PMFBP1: variants seen among roughly 807,000 people sequenced by gnomAD.
The protein encoded by PMFBP1 is polyamine-modulated factor 1-binding protein 1.
A neutral mutation model predicts 137.8 loss-of-function variants in PMFBP1; 131 were observed. The ratio of observed to expected loss-of-function variants is 0.95; its 90% CI spans 0.82 to 1.10. The LOEUF is 1.10. Ranked by LOEUF, PMFBP1 falls within the 50% of genes least tolerant of loss-of-function variation. The pLI is 0.00. For missense variants in PMFBP1, 1,199 were observed against 1,175.4 expected (o/e 1.02, Z -0.29); for synonymous variants, 490 against 450.4 (o/e 1.09, Z -1.11).
chr16:72,226,556 G>A, the PMFBP1 span, among the ~76,000 whole-genome samples: 1 of 152,036 alleles, frequency 6.6e-6, no homozygotes, highest in Admixed American at 6.6e-5. Flanking sequence ...ATTGCCAAAA[G>A]CTTCCATTTG....
chr16:72,215,912 T>C, the PMFBP1 span, among the ~76,000 whole-genome samples: 1 of 152,174 alleles, frequency 6.6e-6, no homozygotes, highest in Admixed American at 6.5e-5. Flanking sequence ...ATATACTAAC[T>C]ACCTTTACCC....
At chr16:72,244,503 G>A in the PMFBP1 span, among the ~76,000 whole-genome samples, 1 of 152,116 alleles carries the variant, frequency 6.6e-6, no homozygotes, top group African/African-American at 2.4e-5. Context: ...GCTTTCTCAG[G>A]TTCTACTGGG....
the PMFBP1 span, among the ~76,000 whole-genome samples, chr16:72,184,717 T>A: frequency 3.3e-5 from 5 of 152,374 alleles, no homozygotes; most frequent in African/African-American, 1.2e-4. Context: ...AACTGCCGTC[T>A]ACTTCATTTG....
the PMFBP1 span, among the ~76,000 whole-genome samples, chr16:72,193,485 A>G: frequency 6.6e-6 from 1 of 152,186 alleles, no homozygotes; most frequent in Non-Finnish European, 1.5e-5. Flanking sequence ...TTAGGTGATT[A>G]TCATTATTGC....
chr16:72,183,406 C>A, the PMFBP1 span, among the ~76,000 whole-genome samples: 1 of 152,160 alleles, frequency 6.6e-6, no homozygotes. Flanking sequence ...CCATGTCTCT[C>A]TGCTAGCTTC....
the PMFBP1 span, among the ~76,000 whole-genome samples, chr16:72,186,009 C>A: frequency 6.6e-6 from 1 of 152,172 alleles, no homozygotes; most frequent in African/African-American, 2.4e-5. Context: ...GGGGCTGATA[C>A]AATCAGTCTG....
the PMFBP1 span, among the ~76,000 whole-genome samples, chr16:72,212,988 A>G: frequency 6.6e-6 from 1 of 152,246 alleles, no homozygotes; most frequent in African/African-American, 2.4e-5. Flanking sequence ...GAATATCAAT[A>G]TAACGACATT....
chr16:72,127,382 C>T (rs2042478109), intron 14 of PMFBP1, among the ~76,000 whole-genome samples: 1 of 152,096 alleles, frequency 6.6e-6, no homozygotes, highest in Non-Finnish European at 1.5e-5. Context: ...TTTCTGGGGA[C>T]TTCTGAAAAA....
the PMFBP1 span, among the ~76,000 whole-genome samples, chr16:72,216,957 A>G: frequency 6.6e-6 from 1 of 152,256 alleles, no homozygotes; most frequent in South Asian, 2.1e-4. Flanking sequence ...AAGAAGAGTC[A>G]CATGATAGAT....
In PMFBP1 at chr16:72,154,333, C is replaced by A; in HGVS notation, c.292G>T (p.Glu98Ter). 6.2e-7 allele frequency: 1 copy of A among 1,614,154 alleles called. No individual in the cohort carries two copies. Among genetic ancestry groups the A allele is most frequent in the Non-Finnish European group, 8.5e-7 (1 of 1,180,026 alleles). Residue 98 changes from glutamate to a stop codon, truncating the protein, a stop_gained, in exon 4 of 21, where the codon GAG (glutamate) becomes TAG (stop). Transcript: ENST00000237353. LOFTEE classifies it high-confidence loss of function. ...GTCTGCAACTCCTCTGTGTGAAACT[C>A]CAGTTCTTGTTGAAGGACCAGCAAT... ...KKLLVLQQEL[E>*]FHTEELQTSY...
chr16:72,188,325 G>A, the PMFBP1 span, among the ~76,000 whole-genome samples: 1 of 152,218 alleles, frequency 6.6e-6, no homozygotes, highest in Non-Finnish European at 1.5e-5. Context: ...GAAGGGGATG[G>A]TGTATTCTAA....
chr16:72,239,380 T>C, the PMFBP1 span, among the ~76,000 whole-genome samples: 3 of 152,226 alleles, frequency 2.0e-5, no homozygotes, highest in East Asian at 1.9e-4. Context: ...TTTTACATGA[T>C]ACATAATCTT....
At chr16:72,225,229 T>C in the PMFBP1 span, 2 of 152,298 alleles carry the variant, frequency 1.3e-5, no homozygotes, top group South Asian at 2.1e-4. Context: ...AGAGAAGCAA[T>C]GTCTGAGCAG....
chr16:72,177,379 C>A (rs1351024083), upstream of PMFBP1, among the ~76,000 whole-genome samples: 1 of 152,176 alleles, frequency 6.6e-6, no homozygotes, highest in Non-Finnish European at 1.5e-5. Flanking sequence ...CAGGTGTGTA[C>A]CCTTTCCCCC....
At chr16:72,184,234 T>A in the PMFBP1 span, among the ~76,000 whole-genome samples, 2 of 152,154 alleles carry the variant, frequency 1.3e-5, no homozygotes, top group African/African-American at 4.8e-5. Context: ...TTCTCTCTTG[T>A]CAGATTTCAG....
rs372258882 is a variant in PMFBP1 at position 72,140,512 on chromosome 16, T to C, written c.707A>G (p.Gln236Arg). The C allele has an allele frequency of 1.9e-5, 31 of 1,613,100 alleles. No individual in the cohort carries two copies. In the African/African-American group the frequency reaches 3.9e-4, roughly 20 times the overall value. The change falls in exon 6 of 21, where the codon CAG (glutamine) becomes CGG (arginine). Residue 236 changes from glutamine to arginine, a missense_variant. Coordinates refer to ENST00000237353, the MANE Select transcript of PMFBP1 (RefSeq NM_031293.3). ...TTCAGACAGTCGTTTCTGAGTCTCC[T>C]GATGCTCTTGAATCATGCAAGGAGA... ...YTSPCMIQEH[Q>R]ETQKRLSEVW... is the part of the protein sequence containing the mutation.
At chr16:72,216,332 A>T in the PMFBP1 span, among the ~76,000 whole-genome samples, 3 of 152,234 alleles carry the variant, frequency 2.0e-5, no homozygotes, top group Non-Finnish European at 4.4e-5. Context: ...ATCACAGCTT[A>T]GCCTATCCTA....
At chr16:72,159,585 A>G (rs1244383495) in intron 3 of PMFBP1, among the ~76,000 whole-genome samples, 1 of 152,208 alleles carries the variant, frequency 6.6e-6, no homozygotes, top group Non-Finnish European at 1.5e-5. Context: ...TTTGCACACT[A>G]TAGATATCAA....
intron 3 of PMFBP1, among the ~76,000 whole-genome samples, chr16:72,157,097 G>A (rs1002912666): frequency 1.4e-5 from 2 of 142,132 alleles, no homozygotes; most frequent in African/African-American, 5.3e-5. Flanking sequence ...GTTGAGGCAG[G>A]AAAATGGCGT....
Sources: gnomAD v4.1 joint callset for allele counts (sites outside exome capture counted in the v4.1 genomes callset) on GRCh38, gnomAD v4.1.1 for gene constraint, MANE v1.5 for transcripts, NCBI Gene and HGNC (gene_info 2026-07-23, HGNC 2026-07-21) for gene names.